Variants in ARFGEF2 observed in about 807,000 individuals in gnomAD.
ARFGEF2 encodes the protein ARF guanine nucleotide exchange factor 2.
ARFGEF2 carries 74 observed loss-of-function variants against 219.9 expected under a neutral mutation model. The ratio of observed to expected loss-of-function variants is 0.34; its 90% CI spans 0.28 to 0.41. The LOEUF (loss-of-function observed/expected upper bound fraction) is 0.41. Among genes scored for constraint, ARFGEF2 ranks in the 10% least tolerant of loss-of-function variants. The pLI is 1.00. For synonymous variants in ARFGEF2, 733 were observed against 799.2 expected, an observed-to-expected ratio of 0.92 and a Z score of 1.40; for missense variants, 1,743 against 2,218.3, an observed-to-expected ratio of 0.79 and a Z score of 4.30.
At chr20:49,028,495 AATGTGCACTAATT>A in intron 36 of ARFGEF2, 22 bp from the exon 37 acceptor site, 1 of 1,600,270 alleles carries the variant, frequency 6.2e-7, no homozygotes, top group South Asian at 1.1e-5. Context: ...TTATCTTAGA[AATGTGCACTAATT>A]ATATGACTGT....
chr20:48,968,184 G>A (rs543159776), intron 8 of ARFGEF2, among the ~76,000 whole-genome samples: 4 of 151,914 alleles, frequency 2.6e-5, no homozygotes, highest in South Asian at 2.1e-4. Flanking sequence ...TAGTAGAGAC[G>A]GGGTTTCACC....
chr20:49,036,220 A>G lies in ARFGEF2; in HGVS notation c.*3021A>G. On this transcript the variant is annotated 3_prime_UTR_variant, in exon 39 of 39. Coordinates refer to ENST00000371917, the MANE Select transcript of ARFGEF2 (RefSeq NM_006420.3). ...TTTGTGTTAAAGTAGACATAGCTGA[A>G]CTCACATGGAATCCTGGAGTTTTGT... 1 of 398,320 alleles carries G rather than the reference A, an allele frequency of 2.5e-6. No individual in the cohort carries two copies. The highest frequency in any genetic ancestry group is 4.4e-6 in the Non-Finnish European group (1 of 225,936). 24.7% of individuals were successfully genotyped at this position (398,320 alleles called of 1,614,324 possible).
intron 23 of ARFGEF2, among the ~76,000 whole-genome samples, chr20:48,997,521 C>T (rs1382797679): frequency 6.6e-6 from 1 of 152,186 alleles, no homozygotes; most frequent in Admixed American, 6.5e-5. Flanking sequence ...GATCCACCTG[C>T]CTTGGCCTCT....
At chr20:48,994,672 C>T in intron 22 of ARFGEF2, 74 bp downstream of exon 22, 1 of 1,585,826 alleles carries the variant, frequency 6.3e-7, no homozygotes, top group Non-Finnish European at 8.6e-7. Flanking sequence ...CTTGTCTCAT[C>T]AGGACTGTCC....
intron 1 of ARFGEF2, among the ~76,000 whole-genome samples, chr20:48,923,082 A>G (rs1175756155): frequency 6.6e-6 from 1 of 152,188 alleles, no homozygotes; most frequent in Non-Finnish European, 1.5e-5. Flanking sequence ...AATCTTTTCC[A>G]AGAGGGTGAC....
At position 48,951,488 on chromosome 20, in the gene ARFGEF2, C is replaced by T; in HGVS notation, c.423+19C>T. ...AATTAAGGTATGCCTATTTGTTTGC[C>T]TGTCTGGTTTTTAAATTAGAAAGCA... is the stretch of plus-strand genomic sequence containing the variant. On this transcript the variant is annotated intron_variant, in intron 4 of 38. Transcript: ENST00000371917. 6.2e-7 allele frequency: 1 copy of T among 1,613,958 alleles called. No homozygotes were observed. The highest frequency in any genetic ancestry group is 8.5e-7 in the Non-Finnish European group (1 of 1,179,952).
In ARFGEF2 at chr20:48,971,112, T is replaced by C. The variant is rs764718534; in HGVS notation, c.1191-8T>C. On this transcript the variant is annotated splice_polypyrimidine_tract_variant and splice_region_variant and intron_variant, in intron 9 of 38. Coordinates refer to ENST00000371917, the MANE Select transcript of ARFGEF2 (RefSeq NM_006420.3). The stretch of plus-strand genomic sequence containing the variant: ...AGCACTGTTGTGGTTTTTCATTTTC[T>C]TTGCCAGATCCCATGAGCTGCGTTC... The C allele has an allele frequency of 1.9e-6, 3 of 1,613,682 alleles. No homozygotes were observed. Among genetic ancestry groups the C allele is most frequent in the Non-Finnish European group, 2.5e-6 (3 of 1,179,572 alleles).
intron 1 of ARFGEF2, among the ~76,000 whole-genome samples, chr20:48,926,792 G>A (rs781063398): frequency 1.3e-5 from 2 of 152,180 alleles, no homozygotes; most frequent in Non-Finnish European, 2.9e-5. Flanking sequence ...GGGTACAGCA[G>A]GCAATGGGAG....
chr20:48,997,722 C>T (rs961365960), intron 23 of ARFGEF2, among the ~76,000 whole-genome samples: 1 of 152,142 alleles, frequency 6.6e-6, no homozygotes, highest in Non-Finnish European at 1.5e-5. Context: ...TCCTCTCTAC[C>T]TTGTCTGAGA....
At chr20:48,960,068 A>AT (rs1476051799) in intron 6 of ARFGEF2, among the ~76,000 whole-genome samples, 2 of 152,228 alleles carry the variant, frequency 1.3e-5, no homozygotes, top group Admixed American at 6.5e-5. Flanking sequence ...GTTCTGAGAA[A>AT]TGAGTCATAG....
chr20:48,996,632 T>C (rs1408649319), intron 23 of ARFGEF2, among the ~76,000 whole-genome samples: 1 of 151,472 alleles, frequency 6.6e-6, no homozygotes, highest in Non-Finnish European at 1.5e-5. Flanking sequence ...TAATCCCAGC[T>C]ACTCGGGAGG....
At position 48,988,553 on chromosome 20, in the gene ARFGEF2, A is replaced by G. The variant is rs1171802219; in HGVS notation, c.2424A>G (p.Lys808=). The change falls in exon 18 of 39, where the codon AAA becomes AAG. Residue 808 remains lysine (K), a synonymous_variant. Coordinates refer to ENST00000371917, the MANE Select transcript of ARFGEF2 (RefSeq NM_006420.3). ...IKMNRGINDS[K]DLPEEYLSSI... ...TGAATCGGGGTATCAATGATAGTAA[A>G]GATCTGCCAGAAGAGTATCTCTCAA... 1 of 1,613,816 alleles carries G rather than the reference A, an allele frequency of 6.2e-7. No homozygotes were observed. The highest frequency in any genetic ancestry group is 1.1e-5 in the South Asian group (1 of 91,058).
At position 49,024,787 on chromosome 20, in the gene ARFGEF2, C is replaced by T. The variant is rs146100137; in HGVS notation, c.4756-526C>T. 1.9e-3 allele frequency among the ~76,000 whole-genome samples: 289 copies of T among 152,026 alleles called. 2 individuals are homozygous for T. The highest frequency in any genetic ancestry group is 0.017 in the Admixed American group (252 of 15,250). On this transcript the variant is annotated intron_variant, in intron 35 of 38. Transcript: ENST00000371917. ...GGCCGAGGCAGGCGGATCACGAGGT[C>T]GAGTCTGAGATCATTCTGACCAACA...
chr20:48,928,240 C>T (rs900981437), intron 1 of ARFGEF2, among the ~76,000 whole-genome samples: 16 of 143,186 alleles, frequency 1.1e-4, no homozygotes, highest in Non-Finnish European at 2.1e-4. Context: ...GCTCTGTCGC[C>T]CAGGCTGGAG....
At chr20:48,973,099 CT>C (rs1208519584) in intron 11 of ARFGEF2, 45 bp from the exon 12 acceptor site, 1 of 1,611,644 alleles carries the variant, frequency 6.2e-7, no homozygotes, top group African/African-American at 1.3e-5. Flanking sequence ...GAAAACCTAA[CT>C]GCTATTTGAT....
chr20:49,000,609 G>A (rs2091419297), intron 25 of ARFGEF2, among the ~76,000 whole-genome samples: 1 of 152,198 alleles, frequency 6.6e-6, no homozygotes, highest in Non-Finnish European at 1.5e-5. Flanking sequence ...ATTTGCTTGA[G>A]AAAGAAAATG....
rs989481500 is a variant in ARFGEF2 at position 49,033,910 on chromosome 20, A to T, written c.*711A>T. 6.6e-6 allele frequency: 1 copy of T among 152,330 alleles called. No individual in the cohort carries two copies. The highest frequency in any genetic ancestry group is 2.4e-5 in the African/African-American group (1 of 41,450). 9.4% of individuals were successfully genotyped at this position (152,330 alleles called of 1,614,324 possible). On this transcript the variant is annotated 3_prime_UTR_variant, in exon 39 of 39. Coordinates refer to ENST00000371917, the MANE Select transcript of ARFGEF2 (RefSeq NM_006420.3). ...TCCCTGTTTTAGTAACATGGAGAGA[A>T]AAAGTCTACACGAAAAAGTGAACAA...
intron 6 of ARFGEF2, among the ~76,000 whole-genome samples, chr20:48,958,475 C>G (rs977779366): frequency 6.7e-6 from 1 of 149,920 alleles, no homozygotes; most frequent in African/African-American, 2.5e-5. Context: ...CTCGCTCTGT[C>G]GCCCAGGCTG....
At chr20:49,028,147 A>T (rs1340247738) in intron 36 of ARFGEF2, among the ~76,000 whole-genome samples, 1 of 152,184 alleles carries the variant, frequency 6.6e-6, no homozygotes, top group Non-Finnish European at 1.5e-5. Flanking sequence ...AATCCCAGCT[A>T]CTAGGGAGGC....
Sources: allele counts gnomAD v4.1 joint callset (sites outside exome capture counted in the v4.1 genomes callset), GRCh38; gene constraint gnomAD v4.1.1; transcripts MANE v1.5; gene names NCBI Gene and HGNC (gene_info 2026-07-23, HGNC 2026-07-21).